CSTF2: variants seen among roughly 807,000 people sequenced by gnomAD.
CSTF2 encodes the protein cleavage stimulation factor subunit 2, also known as CF-1 64 kDa subunit.
CSTF2 carries 8 observed loss-of-function variants against 45.4 expected under a neutral mutation model. The observed-to-expected ratio is 0.18, with a 90% CI of 0.10 to 0.32. The LOEUF (loss-of-function observed/expected upper bound fraction) is 0.32, where lower values mean the gene tolerates loss of function less well. Among genes scored for constraint, CSTF2 ranks in the 10% least tolerant of loss-of-function variants. The probability of loss-of-function intolerance (pLI) is 1.00; values close to 1 mark genes in which losing one functional copy is unlikely to be tolerated. For synonymous variants in CSTF2, 155 were observed against 158.9 expected, an observed-to-expected ratio of 0.98 and a Z score of 0.18; for missense variants, 253 against 477.1, an observed-to-expected ratio of 0.53 and a Z score of 4.38.
chrX:100,834,026 G>A (rs1381968282), intron 11 of CSTF2, among the ~76,000 whole-genome samples: 1 of 111,784 alleles, frequency 8.9e-6, no homozygotes, highest in Non-Finnish European at 1.9e-5. Context: ...AATGTGAAAG[G>A]CAGTTTATTA....
chrX:100,833,847 T>A (rs1350317706), intron 11 of CSTF2, among the ~76,000 whole-genome samples: 1 of 111,898 alleles, frequency 8.9e-6, no homozygotes, highest in Non-Finnish European at 1.9e-5. Context: ...TAGTAGGATC[T>A]GAGCATGGAT....
rs188198565 is a variant in CSTF2, at chrX:100,823,839, A to G, written c.445-47A>G. 974 of 1,169,124 alleles carry G rather than the reference A, an allele frequency of 8.3e-4. 5 individuals are homozygous for G. In the African/African-American group the frequency reaches 0.015, roughly 18 times the overall value. ...AGGGGAATGGCTCTAAATCACTATCAGTTTCTAAGTCATAAGTATTAAACC... is the reference window on the plus strand; with the variant it reads ...AGGGGAATGGCTCTAAATCACTATCGGTTTCTAAGTCATAAGTATTAAACC... On this transcript the variant is annotated intron_variant, in intron 4 of 13. Coordinates refer to ENST00000372972, the MANE Select transcript of CSTF2 (RefSeq NM_001325.3).
intron 11 of CSTF2, among the ~76,000 whole-genome samples, chrX:100,834,548 G>GT (rs762629867): frequency 3.6e-5 from 4 of 112,088 alleles, no homozygotes; most frequent in Non-Finnish European, 7.5e-5. Context: ...CAAATAGAGG[G>GT]TTTTTTTGCT....
intron 6 of CSTF2, among the ~76,000 whole-genome samples, chrX:100,824,788 C>T (rs1433169656): frequency 1.8e-5 from 2 of 112,302 alleles, no homozygotes; most frequent in Admixed American, 1.9e-4. Context: ...ATAAAGAGCC[C>T]ATAGTCATTC....
intron 6 of CSTF2, among the ~76,000 whole-genome samples, chrX:100,824,662 T>TA (rs992157601): frequency 5.4e-5 from 6 of 111,763 alleles, no homozygotes; most frequent in Non-Finnish European, 1.1e-4. Flanking sequence ...CTTAAAGCCA[T>TA]AAAAAATTGA....
At chrX:100,832,198 CAA>C (rs1441380569) in intron 9 of CSTF2, among the ~76,000 whole-genome samples, 1 of 111,640 alleles carries the variant, frequency 9.0e-6, no homozygotes. Context: ...GCCTGGGCAA[CAA>C]GAGTGAAACT....
At chrX:100,831,793 G>A (rs1298655846) in intron 9 of CSTF2, 137 bp downstream of exon 9, 2 of 597,980 alleles carry the variant, frequency 3.3e-6, no homozygotes, top group East Asian at 6.8e-5. Flanking sequence ...CACTGTCCAA[G>A]GGTAAGCACT....
At chrX:100,827,366 T>C (rs913854847) in intron 7 of CSTF2, among the ~76,000 whole-genome samples, 1 of 112,572 alleles carries the variant, frequency 8.9e-6, no homozygotes, top group African/African-American at 3.2e-5. Context: ...TACTTGTAAC[T>C]GTTCCTTGTT....
intron 12 of CSTF2, among the ~76,000 whole-genome samples, chrX:100,837,992 G>A (rs55678731): frequency 1.2e-3 from 131 of 111,429 alleles, no homozygotes; most frequent in Non-Finnish European, 2.2e-3. Context: ...TCTAATCTTA[G>A]GTATTTTAAT....
intron 12 of CSTF2, among the ~76,000 whole-genome samples, chrX:100,837,746 C>T (rs2085017333): frequency 8.9e-6 from 1 of 111,911 alleles, no homozygotes; most frequent in South Asian, 3.7e-4. Flanking sequence ...AAATCCACAC[C>T]CTTTTTCCTT....
intron 11 of CSTF2, among the ~76,000 whole-genome samples, 167 bp downstream of exon 11, chrX:100,833,639 T>G (rs764940242): frequency 9.0e-6 from 1 of 111,610 alleles, no homozygotes; most frequent in East Asian, 2.8e-4. Context: ...GGTGGTGATT[T>G]TCTGGCTATC....
intron 1 of CSTF2, 125 bp from the exon 2 acceptor site, chrX:100,821,402 A>C (rs764237241): frequency 4.1e-6 from 2 of 493,519 alleles, no homozygotes; most frequent in Admixed American, 6.9e-5. Context: ...GTCTGAAGAA[A>C]TACAATGGAA....
Position 100,822,352 on chromosome X carries a change from G to A in CSTF2, c.239G>A (p.Arg80His), listed in dbSNP as rs776956075. The change falls in exon 3 of 14, where the codon CGC becomes CAC. Residue 80 changes from arginine (R) to histidine (H), a missense_variant. By Grantham distance (29) the Arg-to-His change is conservative. Transcript: ENST00000372972. ...ALSAMRNLNG[R>H]EFSGRALRVD... Reference sequence around the variant, plus strand: ...AGTGCCATGCGGAACCTGAATGGGCGCGAATTCAGTGGGAGAGCACTTCGA... The same window carrying A: ...AGTGCCATGCGGAACCTGAATGGGCACGAATTCAGTGGGAGAGCACTTCGA... 4.1e-6 allele frequency: 5 copies of A among 1,211,116 alleles called. No individual in the cohort carries two copies. The highest frequency in any genetic ancestry group is 2.2e-5 in the Admixed American group (1 of 46,032).
At chrX:100,826,490 T>C in intron 6 of CSTF2, 144 bp from the exon 7 acceptor site, 1 of 498,850 alleles carries the variant, frequency 2.0e-6, no homozygotes, top group Non-Finnish European at 3.3e-6. Context: ...ACAAATCTAA[T>C]GCTGCATAAG....
Position 100,831,286 on chromosome X carries a change from G to A in CSTF2, c.890-229G>A, listed in dbSNP as rs112729082. Among the ~76,000 whole-genome samples the A allele has an allele frequency of 5.0e-3, 563 of 111,819 alleles. 3 individuals carry two copies. The highest frequency in any genetic ancestry group is 0.017 in the African/African-American group (532 of 30,772). ...TCTCCAGGTCGCAGTGCTAGTCCTT[G>A]GCAGGTTGCTCCCCAGTTTGCTCTT... is the stretch of plus-strand genomic sequence containing the variant. On this transcript the variant is annotated intron_variant, in intron 8 of 13. Coordinates refer to ENST00000372972, the MANE Select transcript of CSTF2 (RefSeq NM_001325.3).
Position 100,824,205 on chromosome X carries a change from C to T in CSTF2, c.650C>T (p.Ser217Phe). 2 of 1,211,853 alleles carry T rather than the reference C, an allele frequency of 1.7e-6. No homozygotes were observed. The highest frequency in any genetic ancestry group is 2.2e-6 in the Non-Finnish European group (2 of 895,348). ...PVHGAGPGSG[S>F]NVSMNQQNPQ... ...CATGGTGCTGGGCCTGGCTCAGGAT[C>T]CAATGTGTCAATGAACCAGCAGAAT... The change falls in exon 6 of 14, where the codon TCC (serine) becomes TTC (phenylalanine). Residue 217 changes from serine to phenylalanine, a missense_variant. Coordinates refer to ENST00000372972, the MANE Select transcript of CSTF2 (RefSeq NM_001325.3).
intron 11 of CSTF2, among the ~76,000 whole-genome samples, chrX:100,836,623 T>A (rs1028951495): frequency 2.7e-5 from 3 of 111,946 alleles, no homozygotes; most frequent in African/African-American, 9.7e-5. Flanking sequence ...GGTCTTTTCC[T>A]TGGGTTCTGG....
chrX:100,833,539 C>T, intron 11 of CSTF2, 67 bp downstream of exon 11: 1 of 1,036,519 alleles, frequency 9.6e-7, no homozygotes, highest in Non-Finnish European at 1.3e-6. Flanking sequence ...GATTATTGAG[C>T]CTAATTATTA....
At chrX:100,835,538 G>T in intron 11 of CSTF2, among the ~76,000 whole-genome samples, 1 of 83,492 alleles carries the variant, frequency 1.2e-5, no homozygotes, top group African/African-American at 4.5e-5. Flanking sequence ...CCCTTTCACT[G>T]TTCTATACCT....
Sources: allele counts gnomAD v4.1 joint callset (sites outside exome capture counted in the v4.1 genomes callset), GRCh38; gene constraint gnomAD v4.1.1; transcripts MANE v1.5; gene names NCBI Gene and HGNC (gene_info 2026-07-23, HGNC 2026-07-21).